GNAS-AS1: variants seen among roughly 807,000 people sequenced by gnomAD.
GNAS-AS1 encodes the protein GNAS antisense RNA 1 (non-protein coding).
Position 58,840,907 on chromosome 20 carries a change from C to T in GNAS-AS1, n.819+1030G>A, listed in dbSNP as rs1800904. The T allele has an allele frequency of 0.036, 57,203 of 1,610,806 alleles. 1,700 individuals carry two copies. Among genetic ancestry groups the T allele is most frequent in the African/African-American group, 0.15 (11,269 of 74,916 alleles). ...TTCAGGTTAGTTGCCCACCGCTAAA[C>T]TGGGGAGCCTGAGGGCGGTGTGGGA... On this transcript the variant is annotated intron_variant and non_coding_transcript_variant, in intron 4 of 4. Coordinates refer to ENST00000424094, the Ensembl canonical transcript of GNAS-AS1. The surrounding 1 kb of genome is among the most constrained non-coding windows in gnomAD (Gnocchi z 6.0).
intron 4 of GNAS-AS1, among the ~76,000 whole-genome samples, chr20:58,832,324 A>T (rs1468859144): frequency 6.6e-6 from 1 of 152,256 alleles, no homozygotes; most frequent in Non-Finnish European, 1.5e-5. Context: ...TGACCTGAAC[A>T]GATTGAGAGG....
At chr20:58,823,469 G>A (rs1005452755) in intron 4 of GNAS-AS1, among the ~76,000 whole-genome samples, 1 of 152,228 alleles carries the variant, frequency 6.6e-6, no homozygotes, top group Non-Finnish European at 1.5e-5. Flanking sequence ...CCATCTGTAT[G>A]CCTGTGACGG....
At chr20:58,839,002 C>T (rs1467983247) in intron 4 of GNAS-AS1, 2 of 398,140 alleles carry the variant, frequency 5.0e-6, no homozygotes, top group Non-Finnish European at 8.8e-6. Context: ...CCTGAACTGC[C>T]CCGCAGGAGA....
intron 2 of GNAS-AS1, among the ~76,000 whole-genome samples, chr20:58,845,320 GT>G (rs556429285): frequency 2.9e-4 from 44 of 152,198 alleles, no homozygotes; most frequent in South Asian, 4.1e-4. Context: ...CTCAACCTTT[GT>G]TTTTTTCATG....
chr20:58,849,001 TTTAAA>T (rs1378022320), intron 1 of GNAS-AS1: 1 of 398,228 alleles, frequency 2.5e-6, no homozygotes, highest in Non-Finnish European at 4.4e-6. Context: ...TTAATTTATC[TTTAAA>T]TTAAGGCAAT....
At position 58,841,217 on chromosome 20, in the gene GNAS-AS1, C is replaced by A; in HGVS notation, n.819+720G>T. On this transcript the variant is annotated intron_variant and non_coding_transcript_variant, in intron 4 of 4. Coordinates refer to ENST00000424094, the Ensembl canonical transcript of GNAS-AS1. The surrounding 1 kb of genome is among the most constrained non-coding windows in gnomAD (Gnocchi z 5.0). ...GATTTGGAGCTGCACACCCAAACGG[C>A]ATTGGTAAGTCACTTGTTTTGCGCG... The A allele has an allele frequency of 1.5e-6, 1 of 677,656 alleles. No individual in the cohort carries two copies. The highest frequency in any genetic ancestry group is 2.0e-6 in the Non-Finnish European group (1 of 494,632). The allele number at this position is 677,656 out of a possible 1,614,324, so 42.0% of individuals were successfully genotyped here. A position where few individuals can be genotyped will look rare whatever the true frequency, so the allele number is the denominator to read the frequency against.
At chr20:58,846,892 A>G (rs1183852770) in intron 2 of GNAS-AS1, among the ~76,000 whole-genome samples, 2 of 152,204 alleles carry the variant, frequency 1.3e-5, no homozygotes, top group African/African-American at 2.4e-5. Flanking sequence ...CTTCCACTAA[A>G]GCCAAATTTA....
At chr20:58,834,679 G>A (rs537108175) in intron 4 of GNAS-AS1, 71 of 152,344 alleles carry the variant, frequency 4.7e-4, no homozygotes, top group African/African-American at 1.7e-3. Flanking sequence ...CTGTGGCAGA[G>A]GGAGAGAGAG....
chr20:58,850,356 G>C (rs1298389273), intron 1 of GNAS-AS1, among the ~76,000 whole-genome samples: 2 of 152,206 alleles, frequency 1.3e-5, no homozygotes, highest in Admixed American at 6.5e-5. Flanking sequence ...CATGATATCA[G>C]AAAGAATGAA....
At chr20:58,825,882 G>A in intron 4 of GNAS-AS1, 2 of 393,098 alleles carry the variant, frequency 5.1e-6, no homozygotes, top group South Asian at 1.4e-4. Flanking sequence ...GAGCATGGAA[G>A]CCCAGAGTCC....
exon 1 of GNAS-AS1, chr20:58,850,822 C>A: frequency 2.5e-6 from 1 of 398,826 alleles, no homozygotes; most frequent in Non-Finnish European, 4.4e-6. Context: ...TCTTCCAGGC[C>A]TAGCCGCCAT....
intron 4 of GNAS-AS1, among the ~76,000 whole-genome samples, chr20:58,832,817 G>A (rs1217361655): frequency 6.6e-6 from 1 of 152,204 alleles, no homozygotes; most frequent in Non-Finnish European, 1.5e-5. Flanking sequence ...AAGATTTCCT[G>A]ACAGCATAAA....
chr20:58,839,645 C>T lies in GNAS-AS1; in HGVS notation n.819+2292G>A, dbSNP rs554584733. On this transcript the variant is annotated intron_variant and non_coding_transcript_variant, in intron 4 of 4. Coordinates refer to ENST00000424094, the Ensembl canonical transcript of GNAS-AS1. ...CTGCGCCACAGGCTCGGCGCCACCA[C>T]GCAGCTCGCGGGGAGGTGGCCCCCA... 8.2e-4 allele frequency: 353 copies of T among 429,496 alleles called. 5 individuals carry two copies. Among genetic ancestry groups the T allele is most frequent in the East Asian group, 1.8e-3 (55 of 29,748 alleles). 26.6% of individuals were successfully genotyped at this position (429,496 alleles called of 1,614,324 possible).
chr20:58,840,216 G>T lies in GNAS-AS1; in HGVS notation n.819+1721C>A, dbSNP rs975964450. ...GCCACCGCGCTCCTCTGGCTCTCCT[G>T]CTCCATCGCGCTCCTCCGCGCCCTT... On this transcript the variant is annotated intron_variant and non_coding_transcript_variant, in intron 4 of 4. Transcript: ENST00000424094. The surrounding 1 kb of genome is among the most constrained non-coding windows in gnomAD (Gnocchi z 6.0). 1 of 1,610,798 alleles carries T rather than the reference G, an allele frequency of 6.2e-7. No homozygotes were observed. Among genetic ancestry groups the T allele is most frequent in the African/African-American group, 1.3e-5 (1 of 74,914 alleles).
intron 4 of GNAS-AS1, among the ~76,000 whole-genome samples, chr20:58,823,011 G>A (rs997892462): frequency 6.6e-6 from 1 of 152,002 alleles, no homozygotes; most frequent in Non-Finnish European, 1.5e-5. Context: ...GGCGCCTACT[G>A]TTTCCTCATA....
intron 4 of GNAS-AS1, among the ~76,000 whole-genome samples, chr20:58,832,354 C>G (rs1000078723): frequency 6.6e-6 from 1 of 152,138 alleles, no homozygotes; most frequent in African/African-American, 2.4e-5. Flanking sequence ...TGGCTTAAGA[C>G]TAAATGCAGA....
rs887195993 is a variant in GNAS-AS1, at chr20:58,841,023, G to T, written n.819+914C>A. ...TCAGCTGGTCAGCCTGGGATCGGGGGTCAGGGTGAGGCGGCGAGGGCTCCC... is the reference window on the plus strand; with the variant it reads ...TCAGCTGGTCAGCCTGGGATCGGGGTTCAGGGTGAGGCGGCGAGGGCTCCC... On this transcript the variant is annotated intron_variant and non_coding_transcript_variant, in intron 4 of 4. Coordinates refer to ENST00000424094, the Ensembl canonical transcript of GNAS-AS1. The surrounding 1 kb of genome is among the most constrained non-coding windows in gnomAD (Gnocchi z 5.0). 7 of 1,025,970 alleles carry T rather than the reference G, an allele frequency of 6.8e-6. No individual in the cohort carries two copies. Among genetic ancestry groups the T allele is most frequent in the Non-Finnish European group, 1.0e-5 (7 of 698,466 alleles). The allele number at this position is 1,025,970 out of a possible 1,614,324, so 63.6% of individuals were successfully genotyped here.
In GNAS-AS1 at chr20:58,841,896, G is replaced by A. The variant is rs1268927884; in HGVS notation, n.819+41C>T. On this transcript the variant is annotated intron_variant and non_coding_transcript_variant, in intron 4 of 4. Coordinates refer to ENST00000424094, the Ensembl canonical transcript of GNAS-AS1. The surrounding 1 kb of genome is among the most constrained non-coding windows in gnomAD (Gnocchi z 5.0). ...GAAAGGTAAAGCGGAACAAGGGACA[G>A]GCTGGAGACGGGGGTCGCGTCTAAC... 7 of 1,230,624 alleles carry A rather than the reference G, an allele frequency of 5.7e-6. No individual in the cohort carries two copies. The highest frequency in any genetic ancestry group is 3.1e-5 in the African/African-American group (2 of 64,424). 76.2% of individuals were successfully genotyped at this position (1,230,624 alleles called of 1,614,324 possible).
chr20:58,824,988 T>G (rs1287448821), intron 4 of GNAS-AS1, among the ~76,000 whole-genome samples: 2 of 152,162 alleles, frequency 1.3e-5, no homozygotes, highest in Non-Finnish European at 2.9e-5. Flanking sequence ...AAGTGAGAAG[T>G]GCCCGGGCTC....
Sources: allele counts gnomAD v4.1 joint callset (sites outside exome capture counted in the v4.1 genomes callset), GRCh38; gene constraint gnomAD v4.1.1; non-coding constraint Gnocchi (gnomAD v3.1); transcripts MANE v1.5; gene names NCBI Gene and HGNC (gene_info 2026-07-23, HGNC 2026-07-21).